Variants in HIVEP3 observed in about 807,000 individuals in gnomAD.
HIVEP3 encodes the protein HIVEP zinc finger 3.
In HIVEP3, 49 loss-of-function variants were observed where a neutral mutation model predicts 152.8. The observed-to-expected ratio is 0.32, with a 90% confidence interval of 0.26 to 0.41. The LOEUF (loss-of-function observed/expected upper bound fraction) is 0.41. Ranked by LOEUF, HIVEP3 falls within the 10% of genes least tolerant of loss-of-function variation. The probability of loss-of-function intolerance (pLI) is 1.00; values close to 1 mark genes in which losing one functional copy is unlikely to be tolerated. For synonymous variants in HIVEP3, 1,269 were observed against 1,289.0 expected (o/e 0.98, Z 0.33); for missense variants, 2,790 against 3,103.3 (o/e 0.90, Z 2.40).
intron 5 of HIVEP3, among the ~76,000 whole-genome samples, chr1:41,567,641 G>A (rs758642160): frequency 5.3e-5 from 8 of 152,228 alleles, no homozygotes; most frequent in African/African-American, 9.6e-5. Flanking sequence ...AGCTGAGAAC[G>A]TAGGACCCAT....
At chr1:41,660,446 G>A (rs575907262) in intron 2 of HIVEP3, among the ~76,000 whole-genome samples, 1 of 152,336 alleles carries the variant, frequency 6.6e-6, no homozygotes, top group South Asian at 2.1e-4. Context: ...CATTCAGTGA[G>A]GTGAGAGCAC....
intron 1 of HIVEP3, among the ~76,000 whole-genome samples, chr1:41,862,952 C>T (rs181596108): frequency 3.3e-5 from 5 of 152,222 alleles, no homozygotes; most frequent in African/African-American, 9.6e-5. Context: ...TGAATGGCAG[C>T]GGGAGGGAAG....
intron 1 of HIVEP3, among the ~76,000 whole-genome samples, chr1:41,825,446 A>C (rs1241715703): frequency 6.6e-6 from 1 of 151,910 alleles, no homozygotes. Context: ...AATATTTTCT[A>C]TTTTCAGTAG....
At chr1:41,644,807 G>A (rs1184894749) in intron 2 of HIVEP3, among the ~76,000 whole-genome samples, 1 of 142,228 alleles carries the variant, frequency 7.0e-6, no homozygotes, top group Non-Finnish European at 1.5e-5. Context: ...AAGTCCCCCA[G>A]CAAGCAAGAG....
chr1:41,949,169 T>A (rs1645091442), intron 1 of HIVEP3, among the ~76,000 whole-genome samples: 1 of 152,224 alleles, frequency 6.6e-6, no homozygotes, highest in African/African-American at 2.4e-5. Flanking sequence ...AGAATCTATG[T>A]GCTTCCTCTC....
chr1:41,929,392 A>G (rs1203755408), intron 1 of HIVEP3, among the ~76,000 whole-genome samples: 1 of 151,972 alleles, frequency 6.6e-6, no homozygotes, highest in Admixed American at 6.6e-5. Context: ...TGTACTCTGC[A>G]TATTCCCATT....
intron 1 of HIVEP3, among the ~76,000 whole-genome samples, chr1:41,882,561 C>G (rs1054421585): frequency 1.3e-5 from 2 of 152,114 alleles, no homozygotes; most frequent in African/African-American, 2.4e-5. Context: ...AATAGCTAGG[C>G]TTGATAGGAA....
chr1:41,995,397 T>C (rs1046553165), intron 1 of HIVEP3, among the ~76,000 whole-genome samples: 4 of 152,160 alleles, frequency 2.6e-5, no homozygotes, highest in African/African-American at 9.7e-5. Flanking sequence ...CAATCTAGAA[T>C]TGTATTATCA....
chr1:41,698,412 G>A (rs1021623961), intron 2 of HIVEP3, among the ~76,000 whole-genome samples: 1 of 152,312 alleles, frequency 6.6e-6, no homozygotes, highest in South Asian at 2.1e-4. Context: ...GGTAATGTGT[G>A]CCTTCAATTC....
chr1:41,641,146 C>A (rs1164146576), intron 2 of HIVEP3, among the ~76,000 whole-genome samples: 1 of 152,226 alleles, frequency 6.6e-6, no homozygotes, highest in East Asian at 1.9e-4. Context: ...GATACCAGAT[C>A]CCATAACAAG....
intron 2 of HIVEP3, among the ~76,000 whole-genome samples, chr1:41,678,306 C>A (rs991393930): frequency 6.6e-6 from 1 of 152,180 alleles, no homozygotes; most frequent in African/African-American, 2.4e-5. Flanking sequence ...TGCGACAATG[C>A]ATTAGGCAGC....
chr1:41,924,764 T>A (rs1007669723), intron 1 of HIVEP3, among the ~76,000 whole-genome samples: 1 of 152,292 alleles, frequency 6.6e-6, no homozygotes, highest in Middle Eastern at 3.4e-3. Flanking sequence ...GCAGCTGTAG[T>A]CTCTGTTCCA....
chr1:41,947,151 C>A (rs933019041), intron 1 of HIVEP3, among the ~76,000 whole-genome samples: 3 of 152,180 alleles, frequency 2.0e-5, no homozygotes, highest in South Asian at 2.1e-4. Context: ...CAGGGATAGA[C>A]CCCATCTATT....
chr1:41,680,926 C>T (rs769985368), intron 2 of HIVEP3, among the ~76,000 whole-genome samples: 2 of 152,186 alleles, frequency 1.3e-5, no homozygotes, highest in Non-Finnish European at 2.9e-5. Context: ...TGAGTACTTG[C>T]TATGTGCCAT....
chr1:41,977,493 G>C (rs1645266748), intron 1 of HIVEP3, among the ~76,000 whole-genome samples: 1 of 152,158 alleles, frequency 6.6e-6, no homozygotes, highest in African/African-American at 2.4e-5. Flanking sequence ...GGGAGCAGGT[G>C]CAGGCAGAGG....
chr1:41,580,928 C>T lies in HIVEP3; in HGVS notation c.3870G>A (p.Val1290=), dbSNP rs762442032. 5.0e-6 allele frequency: 8 copies of T among 1,612,412 alleles called. No homozygotes were observed. In the East Asian group the frequency reaches 1.8e-4, roughly 36 times the overall value. The change falls in exon 4 of 9, where the codon GTG becomes GTA. Residue 1290 remains valine (V), a synonymous_variant. Coordinates refer to ENST00000372583, the MANE Select transcript of HIVEP3 (RefSeq NM_024503.5). ...GTGCTGAGGAGCTGGCTGGGGGAGC[C>T]ACAGGGGGTAGCCGGATGTCACTGC... ...EYSSDIRLPP[V]APPASSSAPT... is the part of the protein sequence containing the mutation.
Position 42,030,075 on chromosome 1 carries a change from G to A in HIVEP3, n.119+5732C>T, listed in dbSNP as rs185581793. Among the ~76,000 whole-genome samples, 16 of 152,228 alleles carry A rather than the reference G, an allele frequency of 1.1e-4. No individual in the cohort carries two copies. In the East Asian group the frequency reaches 2.3e-3, roughly 22 times the overall value. ...CCCGACCCTGCCCTGTGCTTTCTGG[G>A]GAAAAGTCACCCTGTGAAGAAGCCA... On this transcript the variant is annotated intron_variant and non_coding_transcript_variant, in intron 1 of 3. Transcript: ENST00000489103.
chr1:41,795,676 G>A (rs916864772), intron 1 of HIVEP3, among the ~76,000 whole-genome samples: 28 of 152,220 alleles, frequency 1.8e-4, no homozygotes, highest in African/African-American at 6.5e-4. Context: ...TACAACAAAT[G>A]TGGTCAGATT....
chr1:41,761,859 G>T (rs1647704842), intron 1 of HIVEP3, among the ~76,000 whole-genome samples: 1 of 152,216 alleles, frequency 6.6e-6, no homozygotes, highest in Admixed American at 6.5e-5. Flanking sequence ...CAAATCCCAA[G>T]GCAGACAGGG....
Sources: allele counts gnomAD v4.1 joint callset (sites outside exome capture counted in the v4.1 genomes callset), GRCh38; gene constraint gnomAD v4.1.1; transcripts MANE v1.5; gene names NCBI Gene and HGNC (gene_info 2026-07-23, HGNC 2026-07-21).